Variants in AXDND1 observed in about 807,000 individuals in gnomAD.
The protein encoded by AXDND1 is axonemal dynein light chain domain containing 1, also known as axonemal dynein light chain domain-containing protein 1.
In AXDND1, 110 loss-of-function variants were observed where a neutral mutation model predicts 137.5. The observed-to-expected ratio is 0.80, with a 90% CI of 0.69 to 0.94. The LOEUF (loss-of-function observed/expected upper bound fraction) is 0.94. AXDND1 is among the 40% of genes least tolerant of loss of function. The pLI, the probability that AXDND1 is intolerant of heterozygous loss-of-function variation, is 0.00. For synonymous variants in AXDND1, 414 were observed against 399.7 expected (o/e 1.04, Z -0.43); for missense variants, 1,191 against 1,169.8 (o/e 1.02, Z -0.26).
At chr1:179,524,824 A>C (rs1670384764) in intron 21 of AXDND1, among the ~76,000 whole-genome samples, 1 of 152,134 alleles carries the variant, frequency 6.6e-6, no homozygotes, top group Non-Finnish European at 1.5e-5. Context: ...TTGAAATGCA[A>C]AGCAAATCAA....
intron 16 of AXDND1, chr1:179,457,253 G>A (rs1391519228): frequency 2.0e-5 from 14 of 699,944 alleles, no homozygotes; most frequent in African/African-American, 3.5e-5. Flanking sequence ...TCAGGCTCTC[G>A]TTGCTTGTTT....
At chr1:179,473,005 A>G (rs72721221) in intron 17 of AXDND1, among the ~76,000 whole-genome samples, 14,062 of 151,722 alleles carry the variant, frequency 0.093, 913 homozygotes, top group African/African-American at 0.17. Context: ...ACCTTTAAAG[A>G]TATTATTGAC....
chr1:179,387,943 A>G (rs1332817950), intron 9 of AXDND1, among the ~76,000 whole-genome samples: 1 of 152,156 alleles, frequency 6.6e-6, no homozygotes, highest in Non-Finnish European at 1.5e-5. Flanking sequence ...TCTTCTGCAT[A>G]TCTTGTATAA....
rs373241176 is a variant in AXDND1, at chr1:179,375,157, G to A, written c.375-3480G>A. Among the ~76,000 whole-genome samples the A allele has an allele frequency of 2.0e-4, 31 of 152,010 alleles. No individual in the cohort carries two copies. In the South Asian group the frequency reaches 6.0e-3, roughly 30 times the overall value. ...TCTGTCATCCAGGCTGGAGTGTAGTGGTGTGATCTTGGCTCACTGCAACCT... is the reference window on the plus strand; with the variant it reads ...TCTGTCATCCAGGCTGGAGTGTAGTAGTGTGATCTTGGCTCACTGCAACCT... On this transcript the variant is annotated intron_variant, in intron 4 of 25. Coordinates refer to ENST00000367618, the MANE Select transcript of AXDND1 (RefSeq NM_144696.6).
chr1:179,528,558 TA>T, intron 23 of AXDND1, 127 bp downstream of exon 23: 1 of 478,532 alleles, frequency 2.1e-6, no homozygotes, highest in Non-Finnish European at 3.5e-6. Context: ...ATTTTACAGA[TA>T]TTTTTCTTCC....
chr1:179,521,488 A>G (rs1670055420), intron 21 of AXDND1, among the ~76,000 whole-genome samples: 1 of 152,118 alleles, frequency 6.6e-6, no homozygotes, highest in Admixed American at 6.5e-5. Flanking sequence ...TTCTAATTCA[A>G]TATTAAATAG....
At chr1:179,431,295 C>A (rs954629922) in intron 14 of AXDND1, among the ~76,000 whole-genome samples, 2 of 152,128 alleles carry the variant, frequency 1.3e-5, no homozygotes, top group African/African-American at 4.8e-5. Flanking sequence ...GCATGCGCCA[C>A]CACACCCGGC....
intron 16 of AXDND1, chr1:179,447,782 T>TC: frequency 7.6e-7 from 1 of 1,319,006 alleles, no homozygotes; most frequent in Non-Finnish European, 1.1e-6. Context: ...ACAAATTCAT[T>TC]CCCCACTGGG....
chr1:179,366,364 C>CTT (rs35129223), intron 1 of AXDND1, 40 bp from the exon 2 acceptor site: 15,181 of 488,560 alleles, frequency 0.031, 29 homozygotes, highest in Admixed American at 0.072. Flanking sequence ...TAGTTGTCAT[C>CTT]TTTTTTTTTT....
chr1:179,456,502 C>A, intron 16 of AXDND1: 1 of 771,448 alleles, frequency 1.3e-6, no homozygotes, highest in Non-Finnish European at 2.4e-6. Flanking sequence ...CCACCATAGC[C>A]ACTGCCCTGG....
intron 11 of AXDND1, among the ~76,000 whole-genome samples, chr1:179,410,216 C>T (rs1653653647): frequency 1.3e-5 from 2 of 152,110 alleles, no homozygotes; most frequent in Admixed American, 6.6e-5. Context: ...CTACTTGTTA[C>T]GTTATAACTT....
At chr1:179,459,597 T>C (rs1286269005) in intron 16 of AXDND1, among the ~76,000 whole-genome samples, 1 of 151,994 alleles carries the variant, frequency 6.6e-6, no homozygotes, top group Non-Finnish European at 1.5e-5. Flanking sequence ...ATTTTCTTTT[T>C]CCTTGAAGAA....
chr1:179,486,134 A>AC lies in AXDND1; in HGVS notation c.2091+2913_2091+2914insC, dbSNP rs1296047034. On this transcript the variant is annotated intron_variant, in intron 18 of 25. Coordinates refer to ENST00000367618, the MANE Select transcript of AXDND1 (RefSeq NM_144696.6). ...AACTCTGTCTCAAAAAAAAAAAAAAAAAAAAAACCTGATAGAAATGAAAAA... is the reference window on the plus strand; with the variant it reads ...AACTCTGTCTCAAAAAAAAAAAAAAACAAAAAAACCTGATAGAAATGAAAAA... Among the ~76,000 whole-genome samples, 22 of 116,568 alleles carry AC rather than the reference A, an allele frequency of 1.9e-4. 3 individuals are homozygous for AC. The highest frequency in any genetic ancestry group is 1.3e-3 in the East Asian group (4 of 3,170). 76.5% of individuals were successfully genotyped at this position (116,568 alleles called of 152,430 possible).
intron 9 of AXDND1, among the ~76,000 whole-genome samples, chr1:179,387,737 A>G (rs567530613): frequency 6.6e-6 from 1 of 152,362 alleles, no homozygotes; most frequent in East Asian, 1.9e-4. Flanking sequence ...ATACCAAGAC[A>G]AAACTTTTCT....
chr1:179,497,736 G>T (rs1667588216), intron 20 of AXDND1, among the ~76,000 whole-genome samples: 1 of 152,144 alleles, frequency 6.6e-6, no homozygotes, highest in Admixed American at 6.5e-5. Flanking sequence ...CTTTGCTGAT[G>T]ATAGGATTCT....
chr1:179,429,616 C>T lies in AXDND1; in HGVS notation c.1329C>T (p.Asn443=). Residue 443 remains asparagine (N), a synonymous_variant, in exon 13 of 26, where the codon AAC becomes AAT. Coordinates refer to ENST00000367618, the MANE Select transcript of AXDND1 (RefSeq NM_144696.6). The part of the protein sequence containing the change: ...YTKHFIILLS[N]KDTEDLALLQ... ...AGCATTTCATCATACTGCTATCAAACAAGGTAAAGGTCAATTATCTTCAGT... is the reference window on the plus strand; with the variant it reads ...AGCATTTCATCATACTGCTATCAAATAAGGTAAAGGTCAATTATCTTCAGT... The T allele has an allele frequency of 6.4e-7, 1 of 1,553,204 alleles. No homozygotes were observed. Among genetic ancestry groups the T allele is most frequent in the Non-Finnish European group, 8.7e-7 (1 of 1,151,070 alleles).
chr1:179,439,974 G>A (rs1027025758), intron 15 of AXDND1, among the ~76,000 whole-genome samples: 6 of 152,152 alleles, frequency 3.9e-5, no homozygotes, highest in Non-Finnish European at 8.8e-5. Context: ...GCAGATATCC[G>A]TAACATTTTC....
intron 21 of AXDND1, among the ~76,000 whole-genome samples, chr1:179,519,317 T>C (rs1286128688): frequency 2.6e-5 from 4 of 152,242 alleles, no homozygotes; most frequent in Admixed American, 1.3e-4. Flanking sequence ...GCAAAAATTT[T>C]CTCCCATTCT....
intron 11 of AXDND1, among the ~76,000 whole-genome samples, chr1:179,404,028 C>G (rs915960892): frequency 7.2e-5 from 11 of 152,138 alleles, no homozygotes; most frequent in African/African-American, 2.4e-4. Context: ...TTTCTCTTGA[C>G]TATGAATGTG....
Sources: gnomAD v4.1 joint callset for allele counts (sites outside exome capture counted in the v4.1 genomes callset) on GRCh38, gnomAD v4.1.1 for gene constraint, MANE v1.5 for transcripts, NCBI Gene and HGNC (gene_info 2026-07-23, HGNC 2026-07-21) for gene names.